Variants in CYTIP observed in about 807,000 individuals in gnomAD.
CYTIP encodes cytohesin-interacting protein.
A neutral mutation model predicts 43.8 loss-of-function variants in CYTIP; 26 were observed. The observed-to-expected ratio is 0.59, with a 90% CI of 0.44 to 0.82. The LOEUF (loss-of-function observed/expected upper bound fraction) is 0.82, where lower values mean the gene tolerates loss of function less well. CYTIP is among the 40% of genes least tolerant of loss of function. The probability of loss-of-function intolerance (pLI) is 0.00; values close to 1 mark genes in which losing one functional copy is unlikely to be tolerated. For missense variants in CYTIP, 426 were observed against 443.1 expected, an observed-to-expected ratio of 0.96 and a Z score of 0.35; for synonymous variants, 162 against 162.9, an observed-to-expected ratio of 0.99 and a Z score of 0.04.
chr2:157,437,157 A>T (rs963829836), intron 1 of CYTIP, among the ~76,000 whole-genome samples: 4 of 152,138 alleles, frequency 2.6e-5, no homozygotes, highest in Non-Finnish European at 5.9e-5. Context: ...TTGGATTGGG[A>T]AAAAATTTTA....
intron 6 of CYTIP, among the ~76,000 whole-genome samples, chr2:157,420,179 T>A (rs1228733521): frequency 2.6e-5 from 4 of 152,156 alleles, no homozygotes; most frequent in Non-Finnish European, 5.9e-5. Context: ...CTACAAATTT[T>A]TTTTTCTAAT....
chr2:157,433,820 C>G (rs961960828), intron 3 of CYTIP, among the ~76,000 whole-genome samples: 1 of 152,046 alleles, frequency 6.6e-6, no homozygotes, highest in Admixed American at 6.5e-5. Context: ...TTTCAAATAA[C>G]AATTATAAAG....
At chr2:157,430,175 A>T (rs1437366753) in intron 5 of CYTIP, among the ~76,000 whole-genome samples, 5 of 151,964 alleles carry the variant, frequency 3.3e-5, no homozygotes, top group Admixed American at 2.0e-4. Flanking sequence ...AAGAGGAAAA[A>T]CTCAGCCCTT....
intron 5 of CYTIP, among the ~76,000 whole-genome samples, chr2:157,429,526 C>T (rs544780250): frequency 1.3e-5 from 2 of 152,292 alleles, no homozygotes; most frequent in Admixed American, 1.3e-4. Context: ...CCTTCCATAA[C>T]TATTAACGTA....
chr2:157,423,503 A>T (rs1368241220), intron 6 of CYTIP, among the ~76,000 whole-genome samples: 2 of 130,516 alleles, frequency 1.5e-5, no homozygotes, highest in Non-Finnish European at 3.5e-5. Flanking sequence ...CTCACAACTA[A>T]TAAAGTAATT....
intron 1 of CYTIP, 54 bp downstream of exon 1, chr2:157,443,793 C>T: frequency 1.3e-6 from 2 of 1,555,116 alleles, no homozygotes; most frequent in Non-Finnish European, 8.8e-7. Flanking sequence ...AAACATATCA[C>T]TCTGCCCTCA....
intron 1 of CYTIP, 126 bp downstream of exon 1, chr2:157,443,721 C>A: frequency 5.9e-6 from 6 of 1,022,836 alleles, no homozygotes; most frequent in Non-Finnish European, 8.2e-6. Flanking sequence ...CCTCCTTCAC[C>A]CATAATAATC....
At chr2:157,434,782 G>T (rs777344021) in intron 1 of CYTIP, 35 bp from the exon 2 acceptor site, 2 of 1,535,104 alleles carry the variant, frequency 1.3e-6, no homozygotes, top group Non-Finnish European at 1.8e-6. Context: ...TTATCCCAGG[G>T]TCTTCAAGAT....
At chr2:157,427,081 A>G (rs1472314711) in intron 6 of CYTIP, among the ~76,000 whole-genome samples, 2 of 152,174 alleles carry the variant, frequency 1.3e-5, no homozygotes, top group Non-Finnish European at 2.9e-5. Context: ...CAGGTGCACT[A>G]ATGAAGAGTT....
chr2:157,415,964 C>A lies in CYTIP; in HGVS notation c.793G>T (p.Val265Leu). Residue 265 changes from valine to leucine, a missense_variant, in exon 8 of 8, where the codon GTG (valine) becomes TTG (leucine). Transcript: ENST00000264192. The stretch of plus-strand genomic sequence containing the variant: ...GCACCCCTGCTGGAGTCCTCAGACA[C>A]ACACGTCTGGTAGCCATCTTCACTG... ...MDSEDGYQTC[V>L]SEDSSRGAFS... The A allele has an allele frequency of 6.2e-7, 1 of 1,614,234 alleles. No individual in the cohort carries two copies. The highest frequency in any genetic ancestry group is 8.5e-7 in the Non-Finnish European group (1 of 1,180,030).
chr2:157,417,160 C>G (rs1685450265), intron 7 of CYTIP, among the ~76,000 whole-genome samples: 1 of 152,166 alleles, frequency 6.6e-6, no homozygotes, highest in Non-Finnish European at 1.5e-5. Context: ...TAAAAAGAAA[C>G]TGTTCTTTCA....
At chr2:157,434,524 T>A (rs1329691641) in intron 2 of CYTIP, 100 bp from the exon 3 acceptor site, 1 of 1,052,250 alleles carries the variant, frequency 9.5e-7, no homozygotes, top group East Asian at 2.4e-5. Context: ...TAAAAATAAC[T>A]GACATTTATG....
intron 1 of CYTIP, among the ~76,000 whole-genome samples, chr2:157,437,371 A>G (rs577690342): frequency 6.6e-6 from 1 of 152,278 alleles, no homozygotes; most frequent in Admixed American, 6.5e-5. Context: ...AAAAATTTAA[A>G]AATGGGCAAA....
rs374472587 is a variant in CYTIP, at chr2:157,430,851, T to G, written c.382+9A>C. The G allele has an allele frequency of 5.6e-6, 9 of 1,595,644 alleles. No homozygotes were observed. The highest frequency in any genetic ancestry group is 4.6e-5 in the South Asian group (4 of 87,774). ...AATGATTCCTAACATGAGCAAAAAT[T>G]TAAGTTACCAGCTTGCAGGCCAGCA... On this transcript the variant is annotated intron_variant, in intron 4 of 7. Transcript: ENST00000264192.
intron 1 of CYTIP, among the ~76,000 whole-genome samples, chr2:157,441,936 C>G (rs1685926118): frequency 6.6e-6 from 1 of 152,192 alleles, no homozygotes; most frequent in Non-Finnish European, 1.5e-5. Context: ...TTCAGTGGCC[C>G]TCGTGCCGGC....
intron 5 of CYTIP, among the ~76,000 whole-genome samples, chr2:157,428,421 C>T (rs1005884698): frequency 6.6e-6 from 1 of 152,194 alleles, no homozygotes; most frequent in African/African-American, 2.4e-5. Flanking sequence ...TGTCTGTTTT[C>T]TCCTTAAGGT....
intron 6 of CYTIP, 63 bp downstream of exon 6, chr2:157,427,288 T>A: frequency 7.3e-7 from 1 of 1,376,622 alleles, no homozygotes; most frequent in Non-Finnish European, 1.0e-6. Flanking sequence ...CAAATAGATC[T>A]TTATTTTACC....
At chr2:157,442,860 A>G (rs1303910447) in intron 1 of CYTIP, among the ~76,000 whole-genome samples, 1 of 152,210 alleles carries the variant, frequency 6.6e-6, no homozygotes, top group Non-Finnish European at 1.5e-5. Context: ...TACATGCAAG[A>G]CTTAAGCGCA....
intron 5 of CYTIP, among the ~76,000 whole-genome samples, chr2:157,428,020 A>G (rs1340825040): frequency 1.3e-5 from 2 of 152,226 alleles, no homozygotes; most frequent in Non-Finnish European, 2.9e-5. Flanking sequence ...TAACCTTCAT[A>G]TGATTCTTTA....
Sources: allele counts gnomAD v4.1 joint callset (sites outside exome capture counted in the v4.1 genomes callset), GRCh38; gene constraint gnomAD v4.1.1; transcripts MANE v1.5; gene names NCBI Gene and HGNC (gene_info 2026-07-23, HGNC 2026-07-21).